ERC2: variants seen among roughly 807,000 people sequenced by gnomAD.
ERC2 encodes the protein ERC protein 2.
ERC2 carries 42 observed loss-of-function variants against 114.8 expected under a neutral mutation model. That is an observed-to-expected ratio of 0.37 (90% CI 0.29 to 0.47). ERC2 has a LOEUF of 0.47. Ranked by LOEUF, ERC2 falls within the 20% of genes least tolerant of loss-of-function variation. The pLI is 0.99. For synonymous variants in ERC2, 454 were observed against 425.5 expected (o/e 1.07, Z -0.82); for missense variants, 939 against 1,150.7 (o/e 0.82, Z 2.66).
chr3:55,596,437 G>T (rs1485136930), intron 17 of ERC2, among the ~76,000 whole-genome samples: 1 of 152,020 alleles, frequency 6.6e-6, no homozygotes, highest in Non-Finnish European at 1.5e-5. Flanking sequence ...AAATTAGCTT[G>T]GCATGGTGAC....
At chr3:56,441,523 A>G (rs906284560) in intron 1 of ERC2, among the ~76,000 whole-genome samples, 2 of 152,236 alleles carry the variant, frequency 1.3e-5, no homozygotes, top group African/African-American at 2.4e-5. Flanking sequence ...ATAAAGCTTT[A>G]TAATATTTTG....
chr3:56,379,837 G>T (rs1201324530), intron 2 of ERC2, among the ~76,000 whole-genome samples: 1 of 152,136 alleles, frequency 6.6e-6, no homozygotes, highest in Non-Finnish European at 1.5e-5. Flanking sequence ...ATAGAATTAA[G>T]AACTAACTAA....
intron 2 of ERC2, among the ~76,000 whole-genome samples, chr3:56,349,020 C>A (rs539038865): frequency 6.6e-6 from 1 of 152,014 alleles, no homozygotes; most frequent in Admixed American, 6.5e-5. Flanking sequence ...ACAGAAGATG[C>A]TACCTGATTT....
intron 2 of ERC2, among the ~76,000 whole-genome samples, chr3:56,369,184 G>A (rs1213798626): frequency 6.6e-6 from 1 of 152,078 alleles, no homozygotes; most frequent in Admixed American, 6.5e-5. Context: ...CACTCATAAT[G>A]GAACTTTTTC....
intron 5 of ERC2, 134 bp downstream of exon 5, chr3:56,148,843 T>A (rs947280003): frequency 1.3e-6 from 1 of 769,084 alleles, no homozygotes; most frequent in Non-Finnish European, 2.0e-6. Flanking sequence ...ATCTTCCGCA[T>A]TCTACTTTGT....
intron 14 of ERC2, among the ~76,000 whole-genome samples, chr3:55,803,911 G>C (rs1378856893): frequency 2.0e-5 from 3 of 152,138 alleles, no homozygotes; most frequent in Non-Finnish European, 2.9e-5. Context: ...CTGCCATAGT[G>C]ACAGACATCA....
intron 14 of ERC2, among the ~76,000 whole-genome samples, chr3:55,877,461 A>G (rs1004632785): frequency 1.1e-4 from 16 of 151,104 alleles, no homozygotes; most frequent in African/African-American, 3.6e-4. Flanking sequence ...TCCTCACTGC[A>G]CCGATAATTC....
At chr3:56,267,014 G>T (rs1023983890) in intron 3 of ERC2, among the ~76,000 whole-genome samples, 4 of 152,150 alleles carry the variant, frequency 2.6e-5, no homozygotes, top group African/African-American at 9.7e-5. Flanking sequence ...ACACATACAG[G>T]TTGAGAATCC....
At chr3:55,668,969 T>C (rs1301814865) in intron 17 of ERC2, among the ~76,000 whole-genome samples, 2 of 152,226 alleles carry the variant, frequency 1.3e-5, no homozygotes, top group African/African-American at 4.8e-5. Context: ...AAGTGCTACA[T>C]AGCATAGTAT....
intron 7 of ERC2, among the ~76,000 whole-genome samples, chr3:56,077,052 T>C (rs528250863): frequency 1.3e-5 from 2 of 152,284 alleles, no homozygotes; most frequent in Admixed American, 6.5e-5. Context: ...CACACCCTAA[T>C]CCAAAGCTTA....
intron 17 of ERC2, among the ~76,000 whole-genome samples, chr3:55,604,943 G>C (rs899273843): frequency 6.6e-6 from 1 of 152,152 alleles, no homozygotes; most frequent in Non-Finnish European, 1.5e-5. Flanking sequence ...TCCATCTACA[G>C]AGATTCTGAT....
At chr3:55,638,531 C>A (rs1396123960) in intron 17 of ERC2, among the ~76,000 whole-genome samples, 1 of 152,082 alleles carries the variant, frequency 6.6e-6, no homozygotes, top group Non-Finnish European at 1.5e-5. Context: ...ATTATTATTA[C>A]CTTCAATTAA....
chr3:56,303,239 G>C (rs1172338304), intron 2 of ERC2, among the ~76,000 whole-genome samples: 2 of 152,170 alleles, frequency 1.3e-5, no homozygotes, highest in African/African-American at 4.8e-5. Context: ...CATTTATCCT[G>C]ATACTTGGCT....
intron 12 of ERC2, among the ~76,000 whole-genome samples, chr3:55,953,369 G>A (rs1044190652): frequency 2.0e-5 from 3 of 152,156 alleles, no homozygotes; most frequent in Admixed American, 2.0e-4. Context: ...TAGGATTTGG[G>A]CCAATTAGAG....
intron 3 of ERC2, among the ~76,000 whole-genome samples, chr3:56,244,847 C>T (rs1052784749): frequency 3.9e-5 from 6 of 152,184 alleles, no homozygotes; most frequent in African/African-American, 1.4e-4. Flanking sequence ...ACTTCCAGTC[C>T]TGTAAACTCC....
intron 14 of ERC2, among the ~76,000 whole-genome samples, chr3:55,785,219 A>G (rs775587444): frequency 6.6e-5 from 10 of 152,258 alleles, no homozygotes; most frequent in Non-Finnish European, 1.5e-4. Context: ...GGTCCAGATC[A>G]GAAGTCTTTG....
chr3:55,933,990 C>T (rs553583204), intron 13 of ERC2, among the ~76,000 whole-genome samples: 3 of 152,268 alleles, frequency 2.0e-5, no homozygotes, highest in Admixed American at 1.3e-4. Flanking sequence ...GTGGAAAATA[C>T]AGCCATCTAA....
chr3:56,239,198 C>T (rs1362735269), intron 3 of ERC2, among the ~76,000 whole-genome samples: 1 of 152,202 alleles, frequency 6.6e-6, no homozygotes, highest in African/African-American at 2.4e-5. Flanking sequence ...TACCCTAAGA[C>T]TCAGCATCCA....
At chr3:56,169,072 T>G (rs1306759661) in intron 4 of ERC2, among the ~76,000 whole-genome samples, 3 of 152,184 alleles carry the variant, frequency 2.0e-5, no homozygotes, top group Non-Finnish European at 4.4e-5. Context: ...CCACTTCAAT[T>G]ACCACAGAAA....
Sources: gnomAD v4.1 joint callset for allele counts (sites outside exome capture counted in the v4.1 genomes callset) on GRCh38, gnomAD v4.1.1 for gene constraint, MANE v1.5 for transcripts, NCBI Gene and HGNC (gene_info 2026-07-23, HGNC 2026-07-21) for gene names.